RALYL: variants seen among roughly 807,000 people sequenced by gnomAD.
RALYL encodes the protein RNA-binding Raly-like protein.
In RALYL, 29 loss-of-function variants were observed where a neutral mutation model predicts 35.1. That is an observed-to-expected ratio of 0.83 (90% CI 0.61 to 1.13). The LOEUF (loss-of-function observed/expected upper bound fraction) is 1.13, where lower values mean the gene tolerates loss of function less well. Among genes scored for constraint, RALYL ranks in the 50% most tolerant of loss-of-function variants. The pLI is 0.00. For missense variants in RALYL, 359 were observed against 360.4 expected (o/e 1.00, Z 0.03); for synonymous variants, 120 against 127.6 (o/e 0.94, Z 0.40).
At chr8:84,398,973 C>CAAA (rs10551190) in intron 1 of RALYL, among the ~76,000 whole-genome samples, 1 of 133,492 alleles carries the variant, frequency 7.5e-6, no homozygotes, top group East Asian at 2.2e-4. Context: ...GACTCTGTCT[C>CAAA]AAAAAAAAAA....
intron 1 of RALYL, among the ~76,000 whole-genome samples, chr8:84,417,574 G>A (rs2044863625): frequency 6.6e-6 from 1 of 151,370 alleles, no homozygotes; most frequent in South Asian, 2.1e-4. Flanking sequence ...GGTCAACTGA[G>A]TTTTGCATAT....
intron 1 of RALYL, among the ~76,000 whole-genome samples, chr8:84,288,766 T>G (rs1838180501): frequency 2.0e-5 from 3 of 152,164 alleles, no homozygotes; most frequent in African/African-American, 7.2e-5. Flanking sequence ...CTGTACATTT[T>G]ATTTGCTTTA....
chr8:84,426,130 C>G (rs2046404282), intron 1 of RALYL, among the ~76,000 whole-genome samples: 1 of 151,914 alleles, frequency 6.6e-6, no homozygotes, highest in African/African-American at 2.4e-5. Flanking sequence ...AGGTATACAA[C>G]ATGATATTAT....
At chr8:84,742,275 T>C (rs1807551119) in intron 2 of RALYL, among the ~76,000 whole-genome samples, 1 of 151,936 alleles carries the variant, frequency 6.6e-6, no homozygotes, top group African/African-American at 2.4e-5. Flanking sequence ...CAAGAATCAG[T>C]GTTCAGATAA....
chr8:84,325,475 C>T (rs1173821805), intron 1 of RALYL, among the ~76,000 whole-genome samples: 1 of 152,186 alleles, frequency 6.6e-6, no homozygotes, highest in African/African-American at 2.4e-5. Context: ...CACCCAGTGG[C>T]AATGCCAATT....
chr8:84,835,587 A>G (rs113869560), intron 4 of RALYL, among the ~76,000 whole-genome samples: 7,800 of 150,228 alleles, frequency 0.052, 666 homozygotes, highest in African/African-American at 0.18. Context: ...GGAGGCTGAG[A>G]CAGGAGAATT....
intron 1 of RALYL, among the ~76,000 whole-genome samples, chr8:84,184,697 G>C (rs1049009682): frequency 9.2e-5 from 14 of 152,056 alleles, no homozygotes; most frequent in Non-Finnish European, 1.5e-4. Flanking sequence ...GTCTCCCGGC[G>C]GGGCGGGTGG....
intron 1 of RALYL, among the ~76,000 whole-genome samples, chr8:84,281,040 C>T (rs1836439598): frequency 6.6e-6 from 1 of 152,218 alleles, no homozygotes; most frequent in South Asian, 2.1e-4. Flanking sequence ...TGTGAATGAG[C>T]AGTCCAAGCT....
At chr8:84,577,447 C>G (rs1331290534) in intron 2 of RALYL, among the ~76,000 whole-genome samples, 1 of 152,120 alleles carries the variant, frequency 6.6e-6, no homozygotes, top group Non-Finnish European at 1.5e-5. Context: ...TTGGGCTGTG[C>G]TCAGAGCATT....
intron 4 of RALYL, among the ~76,000 whole-genome samples, chr8:84,849,398 C>T (rs1005084740): frequency 1.3e-5 from 2 of 152,096 alleles, no homozygotes; most frequent in African/African-American, 4.8e-5. Context: ...TTCCATTTAT[C>T]TTATTTCAAT....
intron 8 of RALYL, among the ~76,000 whole-genome samples, chr8:84,891,636 T>G (rs1563819821): frequency 6.6e-6 from 1 of 152,178 alleles, no homozygotes. Flanking sequence ...CCTATCTCTA[T>G]TATATCATTT....
chr8:84,368,693 C>G (rs1447469140), intron 1 of RALYL, among the ~76,000 whole-genome samples: 1 of 152,116 alleles, frequency 6.6e-6, no homozygotes, highest in African/African-American at 2.4e-5. Flanking sequence ...GAGACTTATT[C>G]ATTATCATGA....
At chr8:84,587,231 G>T (rs1171337484) in intron 2 of RALYL, among the ~76,000 whole-genome samples, 1 of 152,152 alleles carries the variant, frequency 6.6e-6, no homozygotes, top group African/African-American at 2.4e-5. Flanking sequence ...AGAATTTCTT[G>T]AGGTTGAAAG....
At chr8:84,683,959 C>A (rs1836215163) in intron 2 of RALYL, among the ~76,000 whole-genome samples, 1 of 152,152 alleles carries the variant, frequency 6.6e-6, no homozygotes, top group Admixed American at 6.6e-5. Flanking sequence ...ACCTCAGCCT[C>A]CCAAAGTGGT....
chr8:84,524,328 C>T (rs563116498), intron 1 of RALYL, among the ~76,000 whole-genome samples: 1 of 152,126 alleles, frequency 6.6e-6, no homozygotes, highest in Non-Finnish European at 1.5e-5. Context: ...GACATTTATG[C>T]AGCCAAAAAA....
At chr8:84,405,976 A>G (rs1185040028) in intron 1 of RALYL, among the ~76,000 whole-genome samples, 1 of 150,754 alleles carries the variant, frequency 6.6e-6, no homozygotes, top group African/African-American at 2.4e-5. Context: ...TAATTACCAT[A>G]ATCTAGAAAA....
At chr8:84,313,648 G>C (rs1843216644) in intron 1 of RALYL, among the ~76,000 whole-genome samples, 1 of 152,158 alleles carries the variant, frequency 6.6e-6, no homozygotes, top group Non-Finnish European at 1.5e-5. Context: ...AATGCTGCCA[G>C]TCTCTTTGCT....
rs78617962 is a variant in RALYL at position 84,379,886 on chromosome 8, A to G, written c.-23-149413A>G. 1.1e-4 allele frequency among the ~76,000 whole-genome samples: 17 copies of G among 150,994 alleles called. No homozygotes were observed. The East Asian group carries it at 3.3e-3, about 30-fold the overall frequency. On this transcript the variant is annotated intron_variant, in intron 1 of 8. Coordinates refer to ENST00000521268, the MANE Select transcript of RALYL (RefSeq NM_173848.7). ...CAAAAAAAAAAAAGAAAAAAACTGT[A>G]CTCCTTTAAGATCTATAAAAATATG...
chr8:84,793,324 T>C (rs1025090862), intron 3 of RALYL, among the ~76,000 whole-genome samples: 1 of 152,152 alleles, frequency 6.6e-6, no homozygotes, highest in Admixed American at 6.5e-5. Flanking sequence ...GTGAGGTAGT[T>C]AGGCTGGGTG....
Sources: allele counts gnomAD v4.1 joint callset (sites outside exome capture counted in the v4.1 genomes callset), GRCh38; gene constraint gnomAD v4.1.1; transcripts MANE v1.5; gene names NCBI Gene and HGNC (gene_info 2026-07-23, HGNC 2026-07-21).